The following TFEC variants were observed in gnomAD, a reference collection of about 807,000 sequenced individuals.
TFEC encodes transcription factor EC.
In TFEC, 31 loss-of-function variants were observed where a neutral mutation model predicts 41.6. The ratio of observed to expected loss-of-function variants is 0.74; its 90% confidence interval spans 0.56 to 1.01. TFEC has a LOEUF of 1.01. Ranked by LOEUF, TFEC falls within the 50% of genes least tolerant of loss-of-function variation. The probability of loss-of-function intolerance (pLI) is 0.00; values close to 1 mark genes in which losing one functional copy is unlikely to be tolerated. For synonymous variants in TFEC, 143 were observed against 140.6 expected, an observed-to-expected ratio of 1.02 and a Z score of -0.12; for missense variants, 402 against 404.1, an observed-to-expected ratio of 0.99 and a Z score of 0.04.
intron 6 of TFEC, among the ~76,000 whole-genome samples, chr7:115,947,050 C>T (rs1236526162): frequency 6.8e-6 from 1 of 146,580 alleles, no homozygotes; most frequent in Non-Finnish European, 1.5e-5. Context: ...AGGTATATCT[C>T]CCAATGCTAT....
intron 3 of TFEC, among the ~76,000 whole-genome samples, chr7:116,105,483 G>A (rs1797696202): frequency 6.6e-6 from 1 of 152,216 alleles, no homozygotes; most frequent in Non-Finnish European, 1.5e-5. Flanking sequence ...AAGCACCTTA[G>A]TGTTGACCTA....
intron 3 of TFEC, among the ~76,000 whole-genome samples, chr7:116,104,651 AT>A (rs758889210): frequency 1.8e-4 from 28 of 152,160 alleles, no homozygotes; most frequent in Admixed American, 3.9e-4. Flanking sequence ...AGTTTCTCTA[AT>A]TTCTATCCCT....
At chr7:116,066,414 TA>T (rs1796695927) in intron 3 of TFEC, among the ~76,000 whole-genome samples, 1 of 152,076 alleles carries the variant, frequency 6.6e-6, no homozygotes, top group African/African-American at 2.4e-5. Context: ...GAAAATAAGA[TA>T]TTTTTAGTTT....
At chr7:116,047,777 A>C (rs1796205031) in intron 3 of TFEC, among the ~76,000 whole-genome samples, 1 of 152,142 alleles carries the variant, frequency 6.6e-6, no homozygotes, top group Non-Finnish European at 1.5e-5. Flanking sequence ...CACCTCATAC[A>C]GCCAGGTGCC....
At chr7:116,040,543 A>C (rs1218281493) in intron 3 of TFEC, among the ~76,000 whole-genome samples, 1 of 152,192 alleles carries the variant, frequency 6.6e-6, no homozygotes, top group Non-Finnish European at 1.5e-5. Flanking sequence ...TTTTTGCTTT[A>C]CAATAGCATT....
At chr7:115,946,623 TC>T (rs1791579477) in intron 6 of TFEC, among the ~76,000 whole-genome samples, 2 of 46,090 alleles carry the variant, frequency 4.3e-5, no homozygotes, top group South Asian at 1.5e-3. Flanking sequence ...TTTCTTTCTT[TC>T]TCTCTCTCTC....
At chr7:115,960,155 G>A (rs1343125658) in intron 3 of TFEC, among the ~76,000 whole-genome samples, 2 of 151,316 alleles carry the variant, frequency 1.3e-5, no homozygotes, top group Non-Finnish European at 3.0e-5. Context: ...AGCCTAGAAA[G>A]AAAGATTGTG....
chr7:116,040,741 A>G (rs1025490529), intron 3 of TFEC, among the ~76,000 whole-genome samples: 2 of 152,124 alleles, frequency 1.3e-5, no homozygotes, highest in Admixed American at 6.6e-5. Context: ...TCCTCTCCAA[A>G]GCATTTTCCC....
intron 3 of TFEC, among the ~76,000 whole-genome samples, chr7:116,068,397 G>A (rs537624824): frequency 1.8e-4 from 27 of 151,840 alleles, no homozygotes; most frequent in African/African-American, 6.5e-4. Context: ...AGCAAGGGTA[G>A]GAAAGTAAAT....
intron 1 of TFEC, among the ~76,000 whole-genome samples, chr7:116,021,995 C>G (rs1203543991): frequency 6.6e-6 from 1 of 152,134 alleles, no homozygotes. Context: ...CTGGGGAGAA[C>G]AGGCTTATCG....
intron 3 of TFEC, among the ~76,000 whole-genome samples, chr7:116,048,283 T>TAA (rs1419215658): frequency 2.0e-5 from 3 of 152,184 alleles, no homozygotes; most frequent in Admixed American, 6.5e-5. Context: ...GAGAAGTCCT[T>TAA]AAAAGACCTG....
intron 3 of TFEC, chr7:115,968,161 G>T: frequency 6.6e-7 from 1 of 1,520,088 alleles, no homozygotes; most frequent in Non-Finnish European, 8.8e-7. Context: ...AACACTGAAA[G>T]AATTCCAAAA....
intron 1 of TFEC, among the ~76,000 whole-genome samples, chr7:116,007,716 A>G (rs748814103): frequency 1.3e-5 from 2 of 152,176 alleles, no homozygotes; most frequent in Non-Finnish European, 2.9e-5. Context: ...GTTGCAGCAA[A>G]AAAATTGTGA....
chr7:116,137,990 C>T (rs925411714), intron 1 of TFEC, among the ~76,000 whole-genome samples: 2 of 151,918 alleles, frequency 1.3e-5, no homozygotes, highest in African/African-American at 4.8e-5. Flanking sequence ...GAAATGCGGT[C>T]ATTTGTTTAA....
chr7:115,968,354 C>T, intron 3 of TFEC: 4 of 1,407,216 alleles, frequency 2.8e-6, no homozygotes, highest in Non-Finnish European at 3.7e-6. Context: ...CTAATCTTGT[C>T]TAGATTGTGA....
intron 3 of TFEC, among the ~76,000 whole-genome samples, chr7:116,042,736 T>A (rs192098043): frequency 1.3e-5 from 2 of 152,248 alleles, no homozygotes; most frequent in Admixed American, 1.3e-4. Context: ...GGAAAATGAA[T>A]CAGAATAAGT....
At chr7:116,017,348 A>C (rs1415805773) in intron 1 of TFEC, among the ~76,000 whole-genome samples, 1 of 152,074 alleles carries the variant, frequency 6.6e-6, no homozygotes, top group Non-Finnish European at 1.5e-5. Context: ...CAGCCTCCTG[A>C]GTAGCTGGGA....
At chr7:116,046,759 T>G (rs1796175016) in intron 3 of TFEC, among the ~76,000 whole-genome samples, 1 of 152,208 alleles carries the variant, frequency 6.6e-6, no homozygotes. Flanking sequence ...CAAAACTAAC[T>G]GCACAACATA....
chr7:115,941,621 A>G (rs1793504464), intron 7 of TFEC: 1 of 399,962 alleles, frequency 2.5e-6, no homozygotes, highest in East Asian at 3.7e-5. Flanking sequence ...ATGTGTATAT[A>G]TATATACATG....
Sources: gnomAD v4.1 joint callset for allele counts (sites outside exome capture counted in the v4.1 genomes callset) on GRCh38, gnomAD v4.1.1 for gene constraint, MANE v1.5 for transcripts, NCBI Gene and HGNC (gene_info 2026-07-23, HGNC 2026-07-21) for gene names.